The following PALLD variants were observed in gnomAD, a reference collection of about 807,000 sequenced individuals.
PALLD encodes palladin.
PALLD carries 61 observed loss-of-function variants against 123.5 expected under a neutral mutation model. The observed-to-expected ratio is 0.49, with a 90% CI of 0.40 to 0.61. PALLD has a LOEUF of 0.61. Ranked by LOEUF, PALLD falls within the 20% of genes least tolerant of loss-of-function variation. The pLI is 0.00. For missense variants in PALLD, 1,273 were observed against 1,377.0 expected, an observed-to-expected ratio of 0.92 and a Z score of 1.20; for synonymous variants, 465 against 496.4, an observed-to-expected ratio of 0.94 and a Z score of 0.84.
chr4:168,506,627 C>T (rs1355251839), intron 1 of PALLD, among the ~76,000 whole-genome samples: 1 of 152,212 alleles, frequency 6.6e-6, no homozygotes, highest in African/African-American at 2.4e-5. Flanking sequence ...AAACATGTTA[C>T]AGCGCTCTAT....
chr4:168,833,713 A>G (rs1043780991), intron 10 of PALLD, among the ~76,000 whole-genome samples: 1 of 151,630 alleles, frequency 6.6e-6, no homozygotes, highest in African/African-American at 2.4e-5. Flanking sequence ...TTGCTTCTAG[A>G]AAGACAGCAT....
chr4:168,603,119 A>C (rs1772839328), intron 2 of PALLD, among the ~76,000 whole-genome samples: 1 of 152,152 alleles, frequency 6.6e-6, no homozygotes, highest in African/African-American at 2.4e-5. Flanking sequence ...TAACCACTCT[A>C]AATATAAATT....
chr4:168,682,156 C>T (rs1236552033), intron 4 of PALLD, among the ~76,000 whole-genome samples: 1 of 152,132 alleles, frequency 6.6e-6, no homozygotes, highest in African/African-American at 2.4e-5. Flanking sequence ...CCTACAAAGA[C>T]ATACCAATTA....
At chr4:168,642,291 A>G (rs959619810) in intron 2 of PALLD, among the ~76,000 whole-genome samples, 6 of 152,190 alleles carry the variant, frequency 3.9e-5, no homozygotes, top group Admixed American at 1.3e-4. Flanking sequence ...GAAAATTGAC[A>G]TGGGACGCAA....
chr4:168,725,881 G>A (rs1416308494), intron 10 of PALLD, among the ~76,000 whole-genome samples: 1 of 152,184 alleles, frequency 6.6e-6, no homozygotes, highest in Non-Finnish European at 1.5e-5. Context: ...TCTAAAAAGA[G>A]TAGCTTAGTC....
intron 2 of PALLD, among the ~76,000 whole-genome samples, chr4:168,572,513 G>A (rs913381018): frequency 2.0e-5 from 3 of 152,070 alleles, no homozygotes; most frequent in Non-Finnish European, 4.4e-5. Context: ...CTCTGGGTTA[G>A]TAAACCCTTT....
intron 2 of PALLD, among the ~76,000 whole-genome samples, chr4:168,514,325 A>G (rs1460667997): frequency 6.6e-6 from 1 of 152,206 alleles, no homozygotes; most frequent in African/African-American, 2.4e-5. Context: ...GTGCACACAC[A>G]TGAAGTAAAA....
chr4:168,567,617 A>G (rs889014830), intron 2 of PALLD, among the ~76,000 whole-genome samples: 1 of 149,528 alleles, frequency 6.7e-6, no homozygotes, highest in Non-Finnish European at 1.5e-5. Flanking sequence ...TAATATACAC[A>G]CATGTACACC....
chr4:168,586,988 T>C (rs888321505), intron 2 of PALLD, among the ~76,000 whole-genome samples: 9 of 152,200 alleles, frequency 5.9e-5, no homozygotes, highest in Non-Finnish European at 1.2e-4. Context: ...GCTGCGCTTC[T>C]GCTCAGAAGA....
chr4:168,660,380 T>A (rs1405299190), intron 2 of PALLD, among the ~76,000 whole-genome samples: 1 of 152,160 alleles, frequency 6.6e-6, no homozygotes, highest in East Asian at 1.9e-4. Flanking sequence ...TCAGACCAAG[T>A]CAGCAGTCAC....
chr4:168,750,542 T>C (rs918412462), intron 10 of PALLD, among the ~76,000 whole-genome samples: 1 of 152,172 alleles, frequency 6.6e-6, no homozygotes, highest in Non-Finnish European at 1.5e-5. Context: ...ATATATATAT[T>C]TTTTAACAAA....
At chr4:168,604,911 A>C (rs905943685) in intron 2 of PALLD, among the ~76,000 whole-genome samples, 6 of 152,234 alleles carry the variant, frequency 3.9e-5, no homozygotes, top group Admixed American at 3.3e-4. Context: ...GTTAAGATAT[A>C]CTATTACATT....
chr4:168,629,974 T>C (rs1444893795), intron 2 of PALLD, among the ~76,000 whole-genome samples: 1 of 152,240 alleles, frequency 6.6e-6, no homozygotes, highest in African/African-American at 2.4e-5. Flanking sequence ...TTCAGACTTC[T>C]AAACATTCAC....
Position 168,684,728 on chromosome 4 carries a change from A to G in PALLD, c.1261-757A>G, listed in dbSNP as rs779435047. Among the ~76,000 whole-genome samples the G allele has an allele frequency of 6.0e-4, 91 of 152,324 alleles. 1 individual carries two copies. The highest frequency in any genetic ancestry group is 6.5e-4 in the Admixed American group (10 of 15,296). On this transcript the variant is annotated intron_variant, in intron 5 of 21. Transcript: ENST00000505667. ...GTAAAGTCTTCCAGGGTTAATGAAT[A>G]AACTCCATTAGCATCCTAGCATCTC...
intron 10 of PALLD, among the ~76,000 whole-genome samples, chr4:168,814,450 A>G (rs1231834119): frequency 6.6e-6 from 1 of 152,240 alleles, no homozygotes; most frequent in Non-Finnish European, 1.5e-5. Context: ...AAGCAACTGT[A>G]TAATTTCTGT....
chr4:168,576,448 A>T (rs1769604682), intron 2 of PALLD, among the ~76,000 whole-genome samples: 1 of 151,442 alleles, frequency 6.6e-6, no homozygotes, highest in South Asian at 2.1e-4. Flanking sequence ...ATGTGTTCTC[A>T]TTGTTCAATT....
At chr4:168,681,616 C>T (rs1781560980) in intron 4 of PALLD, among the ~76,000 whole-genome samples, 1 of 144,486 alleles carries the variant, frequency 6.9e-6, no homozygotes, top group Admixed American at 7.2e-5. Context: ...TGCGACATGG[C>T]TCACTGAAGC....
At chr4:168,900,363 A>C (rs535198133) in intron 14 of PALLD, among the ~76,000 whole-genome samples, 3 of 152,344 alleles carry the variant, frequency 2.0e-5, no homozygotes, top group African/African-American at 7.2e-5. Context: ...AATCTTAAGT[A>C]ACCTCTAAAA....
At chr4:168,732,905 G>A (rs539019177) in intron 10 of PALLD, among the ~76,000 whole-genome samples, 63 of 152,300 alleles carry the variant, frequency 4.1e-4, no homozygotes, top group Non-Finnish European at 7.2e-4. Context: ...ACATTCAGTA[G>A]TAGGATAGGT....
Sources: allele counts gnomAD v4.1 joint callset (sites outside exome capture counted in the v4.1 genomes callset), GRCh38; gene constraint gnomAD v4.1.1; transcripts MANE v1.5; gene names NCBI Gene and HGNC (gene_info 2026-07-23, HGNC 2026-07-21).